The following GAB3 variants were observed in gnomAD, a reference collection of about 807,000 sequenced individuals.
GAB3 encodes GRB2-associated-binding protein 3.
Under a neutral mutation model 40.4 loss-of-function variants are expected in GAB3, and 12 were observed. That is an observed-to-expected ratio of 0.30 (90% confidence interval 0.19 to 0.48). The LOEUF (loss-of-function observed/expected upper bound fraction) is 0.48. Ranked by LOEUF, GAB3 falls within the 20% of genes least tolerant of loss-of-function variation. The pLI is 0.99. For missense variants in GAB3, 381 were observed against 461.9 expected (o/e 0.82, Z 1.61); for synonymous variants, 154 against 176.7 (o/e 0.87, Z 1.02).
At position 154,712,449 on chromosome X, in the gene GAB3, G is replaced by A; in HGVS notation, c.849C>T (p.Ser283=). Residue 283 remains serine (S), a synonymous_variant, in exon 4 of 10, where the codon TCC becomes TCT. Coordinates refer to ENST00000424127, the MANE Select transcript of GAB3 (RefSeq NM_001081573.3). ...SSPLLESSLS[S]TIQVDKNQGS... is the part of the protein sequence containing the mutation. ...CTTGATTTTTATCTACCTGAATGGT[G>A]GAACTTAAGGAACTTTCCAGCAATG... 1 of 1,210,174 alleles carries A rather than the reference G, an allele frequency of 8.3e-7. No homozygotes were observed. The highest frequency in any genetic ancestry group is 1.1e-6 in the Non-Finnish European group (1 of 894,435).
At chrX:154,683,626 G>A (rs1264272404) in intron 8 of GAB3, among the ~76,000 whole-genome samples, 11 of 111,800 alleles carry the variant, frequency 9.8e-5, no homozygotes, top group Non-Finnish European at 7.5e-5. Context: ...ACTACCTACT[G>A]TGGACAATTC....
chrX:154,724,126 C>A (rs938769405), intron 1 of GAB3, among the ~76,000 whole-genome samples: 2 of 111,166 alleles, frequency 1.8e-5, no homozygotes, highest in South Asian at 7.5e-4. Context: ...ACGGGTGGAT[C>A]ACTTGAAGTC....
At chrX:154,694,683 G>A (rs1274857471) in intron 8 of GAB3, among the ~76,000 whole-genome samples, 6 of 112,210 alleles carry the variant, frequency 5.3e-5, no homozygotes, top group Admixed American at 9.4e-5. Context: ...GTGAGCCACC[G>A]CGCCCAGCCA....
chrX:154,741,606 G>T lies in GAB3; in HGVS notation c.72+9348C>A, dbSNP rs376824432. Among the ~76,000 whole-genome samples the T allele has an allele frequency of 7.9e-4, 83 of 105,463 alleles. 1 individual carries two copies. The East Asian group carries it at 0.022, about 28-fold the overall frequency. The allele number at this position is 105,463 out of a possible 115,157, so 91.6% of individuals were successfully genotyped here. On this transcript the variant is annotated intron_variant, in intron 1 of 9. Coordinates refer to ENST00000424127, the MANE Select transcript of GAB3 (RefSeq NM_001081573.3). ...CAGGAGAATTGTTTGAACCTGGGAG[G>T]CGGAGCTTGCCGTGAGCCGAGGTCA...
At chrX:154,751,154 C>G (rs1489630041), upstream of GAB3, 2 of 597,185 alleles carry the variant, frequency 3.3e-6, no homozygotes, top group South Asian at 1.7e-4. Context: ...CCGCTGCGAC[C>G]CCCGCCTCCG....
chrX:154,744,687 C>T (rs1557261796), intron 1 of GAB3, among the ~76,000 whole-genome samples: 1 of 112,242 alleles, frequency 8.9e-6, no homozygotes, highest in Non-Finnish European at 1.9e-5. Context: ...ATCAACCAAC[C>T]TGGCCTAATT....
rs149019200 is a variant in GAB3, at chrX:154,686,134, C to T, written c.1531-5886G>A. On this transcript the variant is annotated intron_variant, in intron 8 of 9. Transcript: ENST00000424127. Reference sequence around the variant, plus strand: ...AGGAGAGAACACTTCCTGAGGAGCCCGGCATGACCTTAATACCAAAACCAC... The same window carrying T: ...AGGAGAGAACACTTCCTGAGGAGCCTGGCATGACCTTAATACCAAAACCAC... Among the ~76,000 whole-genome samples, 321 of 111,432 alleles carry T rather than the reference C, an allele frequency of 2.9e-3. 4 individuals are homozygous for T. In the East Asian group the frequency reaches 0.036, roughly 13 times the overall value.
intron 8 of GAB3, among the ~76,000 whole-genome samples, chrX:154,686,786 A>G (rs1603422552): frequency 1.8e-5 from 2 of 110,973 alleles, no homozygotes; most frequent in South Asian, 3.8e-4. Flanking sequence ...TTTAAAAAAT[A>G]CTATTTATAA....
intron 2 of GAB3, among the ~76,000 whole-genome samples, chrX:154,714,653 C>T (rs1490423788): frequency 8.9e-6 from 1 of 112,194 alleles, no homozygotes; most frequent in Non-Finnish European, 1.9e-5. Context: ...CCAGTTTCGG[C>T]CTGGTGCCTT....
chrX:154,701,582 G>A (rs1389432824), intron 4 of GAB3, among the ~76,000 whole-genome samples: 3 of 112,093 alleles, frequency 2.7e-5, no homozygotes, highest in Non-Finnish European at 5.6e-5. Context: ...TAGCTATGGA[G>A]TGAGGCTCCT....
intron 1 of GAB3, among the ~76,000 whole-genome samples, chrX:154,740,749 A>G (rs1557261111): frequency 1.1e-4 from 12 of 112,092 alleles, no homozygotes; most frequent in Non-Finnish European, 2.3e-4. Context: ...CCTCTTCACC[A>G]TAACAGGAAA....
chrX:154,751,492 C>T, upstream of GAB3: 2 of 751,528 alleles, frequency 2.7e-6, no homozygotes, highest in Non-Finnish European at 3.1e-6. Context: ...CAAGTACCAC[C>T]TGCATCTGCC....
chrX:154,683,719 G>C (rs782013004), intron 8 of GAB3, among the ~76,000 whole-genome samples: 85 of 111,512 alleles, frequency 7.6e-4, no homozygotes, highest in Admixed American at 2.4e-3. Context: ...ATTTTTTTGT[G>C]GGGGGGAGGG....
At chrX:154,687,943 G>A (rs1557248259) in intron 8 of GAB3, among the ~76,000 whole-genome samples, 1 of 111,971 alleles carries the variant, frequency 8.9e-6, no homozygotes, top group East Asian at 2.8e-4. Flanking sequence ...TTCCATAAAT[G>A]GTACTGAAAC....
chrX:154,701,403 A>G (rs1348318145), intron 4 of GAB3, among the ~76,000 whole-genome samples: 1 of 112,561 alleles, frequency 8.9e-6, no homozygotes, highest in Non-Finnish European at 1.9e-5. Context: ...GGTATAATCC[A>G]TGTGCCAGAT....
intron 1 of GAB3, among the ~76,000 whole-genome samples, chrX:154,739,441 T>C (rs782710826): frequency 4.5e-5 from 5 of 112,033 alleles, no homozygotes; most frequent in African/African-American, 1.6e-4. Flanking sequence ...CGGATGGAAC[T>C]GGAGGTTATT....
At chrX:154,706,404 A>G (rs1047408106) in intron 4 of GAB3, among the ~76,000 whole-genome samples, 56 of 78,510 alleles carry the variant, frequency 7.1e-4, no homozygotes, top group African/African-American at 2.2e-3. Flanking sequence ...CGATAGTGCA[A>G]GACTCCATCT....
intron 8 of GAB3, among the ~76,000 whole-genome samples, chrX:154,688,147 A>G (rs1242766535): frequency 8.9e-6 from 1 of 112,389 alleles, no homozygotes; most frequent in Non-Finnish European, 1.9e-5. Context: ...CAAAATCAAT[A>G]AATTGGACTT....
intron 1 of GAB3, among the ~76,000 whole-genome samples, chrX:154,728,133 A>G (rs1281279197): frequency 2.7e-5 from 3 of 111,295 alleles, no homozygotes; most frequent in Non-Finnish European, 5.7e-5. Context: ...CGGTGGTGAA[A>G]TCCCAAAGCT....
Sources: gnomAD v4.1 joint callset for allele counts (sites outside exome capture counted in the v4.1 genomes callset) on GRCh38, gnomAD v4.1.1 for gene constraint, MANE v1.5 for transcripts, NCBI Gene and HGNC (gene_info 2026-07-23, HGNC 2026-07-21) for gene names.